SFI1: variants seen among roughly 807,000 people sequenced by gnomAD.
SFI1 encodes the protein SFI1 centrin binding protein.
SFI1 carries 195 observed loss-of-function variants against 207.5 expected under a neutral mutation model. That is an observed-to-expected ratio of 0.94 (90% CI 0.84 to 1.06). The LOEUF (loss-of-function observed/expected upper bound fraction) is 1.06, where lower values mean the gene tolerates loss of function less well. Ranked by LOEUF, SFI1 falls within the 50% of genes least tolerant of loss-of-function variation. The pLI, the probability that SFI1 is intolerant of heterozygous loss-of-function variation, is 0.00. For synonymous variants in SFI1, 630 were observed against 598.9 expected (o/e 1.05, Z -0.76); for missense variants, 1,634 against 1,588.0 (o/e 1.03, Z -0.49).
intron 8 of SFI1, among the ~76,000 whole-genome samples, chr22:31,567,007 G>A (rs749754437): frequency 2.6e-5 from 4 of 152,020 alleles, no homozygotes; most frequent in Non-Finnish European, 1.5e-5. Context: ...CTGGGTTCAC[G>A]CCATTCTTCT....
chr22:31,559,607 A>G (rs756593426), intron 7 of SFI1: 31 of 681,140 alleles, frequency 4.6e-5, no homozygotes, highest in Non-Finnish European at 7.4e-5. Context: ...CAGTACACTC[A>G]TAGTGTTGAG....
At chr22:31,505,453 A>G (rs2054482667) in intron 1 of SFI1, among the ~76,000 whole-genome samples, 1 of 141,156 alleles carries the variant, frequency 7.1e-6, no homozygotes, top group East Asian at 2.4e-4. Flanking sequence ...AAAGAAAAAG[A>G]AAAAGAAAAA....
In SFI1 at chr22:31,615,233, T is replaced by TGCC. The variant is rs1407469682; in HGVS notation, c.3255_3257dup (p.Pro1086dup). 7.8e-6 allele frequency: 12 copies of TGCC among 1,538,624 alleles called. No individual in the cohort carries two copies. Among genetic ancestry groups the TGCC allele is most frequent in the Non-Finnish European group, 1.0e-5 (12 of 1,150,340 alleles). On this transcript the variant is annotated inframe_insertion, in exon 29 of 33. Transcript: ENST00000400288. Reference sequence around the variant, plus strand: ...AGCACAGGCCCGGAGCTGCTGCTGCTGCCTCTTTCCTCCTTCATGCCCTGC... The same window carrying TGCC: ...AGCACAGGCCCGGAGCTGCTGCTGCTGCCGCCTCTTTCCTCCTTCATGCCCTGC...
chr22:31,559,488 T>C (rs1463236740), intron 7 of SFI1: 2 of 498,400 alleles, frequency 4.0e-6, no homozygotes. Context: ...CTGCTATGTC[T>C]CTAGTGATCC....
chr22:31,521,099 A>G (rs1337426959), intron 2 of SFI1: 4 of 152,944 alleles, frequency 2.6e-5, no homozygotes, highest in Non-Finnish European at 4.4e-5. Flanking sequence ...AAAATTAGCC[A>G]GGTGTCATGG....
intron 19 of SFI1, 121 bp downstream of exon 19, chr22:31,604,525 A>C: frequency 5.7e-6 from 5 of 870,892 alleles, no homozygotes; most frequent in Non-Finnish European, 8.5e-6. Flanking sequence ...CACACCTCAA[A>C]CCAAGCAGGT....
chr22:31,550,333 AG>A lies in SFI1; in HGVS notation c.530del (p.Arg177LysfsTer19). 1 of 1,614,116 alleles carries A rather than the reference AG, an allele frequency of 6.2e-7. No individual in the cohort carries two copies. The highest frequency in any genetic ancestry group is 8.5e-7 in the Non-Finnish European group (1 of 1,179,956). The stretch of plus-strand genomic sequence containing the variant: ...GCAGGAGATGAGGAACAAGTACATT[AG>A]AGCCGAGGTTCATGGTGAGAAAAAG... Reference protein sequence around the residue: ...QQQEMRNKYIRAEVHDAKQKM... With the variant: ...QQQEMRNKYIXAEVHDAKQKM... On this transcript the variant is annotated frameshift_variant, in exon 6 of 33. Coordinates refer to ENST00000400288, the MANE Select transcript of SFI1 (RefSeq NM_001007467.3). LOFTEE classifies it high-confidence loss of function.
At chr22:31,541,387 C>T (rs946902725) in intron 4 of SFI1, among the ~76,000 whole-genome samples, 10 of 151,950 alleles carry the variant, frequency 6.6e-5, no homozygotes, top group Non-Finnish European at 8.8e-5. Flanking sequence ...TTATTTAATG[C>T]GGCGTGGGGA....
Position 31,614,657 on chromosome 22 carries a change from C to G in SFI1, c.2997-132C>G, listed in dbSNP as rs142209218. On this transcript the variant is annotated intron_variant, in intron 27 of 32. Transcript: ENST00000400288. ...GCTCTATGGCCCAGGCCCACCCCAGCTTACTTGCTGACCTTGGCCTCGCCT... is the reference window on the plus strand; with the variant it reads ...GCTCTATGGCCCAGGCCCACCCCAGGTTACTTGCTGACCTTGGCCTCGCCT... The G allele has an allele frequency of 1.7e-4, 179 of 1,025,536 alleles. No individual in the cohort carries two copies. In the African/African-American group the frequency reaches 2.4e-3, roughly 14 times the overall value. 63.5% of individuals were successfully genotyped at this position (1,025,536 alleles called of 1,614,324 possible).
chr22:31,615,129 C>A lies in SFI1; in HGVS notation c.3150C>A (p.Ala1050=). The change falls in exon 29 of 33, where the codon GCC becomes GCA. Residue 1050 remains alanine (A), a synonymous_variant. Coordinates refer to ENST00000400288, the MANE Select transcript of SFI1 (RefSeq NM_001007467.3). ...PSLTRPFLAE[A]PTALVPHSPL... is the part of the protein sequence containing the mutation. ...TGACGCGGCCCTTCCTGGCAGAGGC[C>A]CCGACAGCACTGGTCCCACACAGCC... 1 of 1,609,078 alleles carries A rather than the reference C, an allele frequency of 6.2e-7. No homozygotes were observed. Among genetic ancestry groups the A allele is most frequent in the Non-Finnish European group, 8.5e-7 (1 of 1,178,068 alleles).
At chr22:31,569,802 A>T (rs2062759765) in intron 8 of SFI1, among the ~76,000 whole-genome samples, 2 of 151,992 alleles carry the variant, frequency 1.3e-5, no homozygotes, top group African/African-American at 2.4e-5. Context: ...ACAAAAAATT[A>T]TCCTGTTATG....
In SFI1 at chr22:31,598,008, C is replaced by T. The variant is rs542400100; in HGVS notation, c.1545-4204C>T. Among the ~76,000 whole-genome samples, 91 of 150,520 alleles carry T rather than the reference C, an allele frequency of 6.0e-4. 1 individual carries two copies. Among genetic ancestry groups the T allele is most frequent in the African/African-American group, 1.3e-3 (55 of 41,066 alleles). On this transcript the variant is annotated intron_variant, in intron 15 of 32. Coordinates refer to ENST00000400288, the MANE Select transcript of SFI1 (RefSeq NM_001007467.3). Reference sequence around the variant, plus strand: ...TTTTTTTTTTTTTGAGACGGAGTCTCGCTCTGTTGCCCAGGCTGGAGTGCA... The same window carrying T: ...TTTTTTTTTTTTTGAGACGGAGTCTTGCTCTGTTGCCCAGGCTGGAGTGCA...
chr22:31,586,076 C>T (rs1448803489), intron 14 of SFI1, among the ~76,000 whole-genome samples: 1 of 152,140 alleles, frequency 6.6e-6, no homozygotes, highest in Non-Finnish European at 1.5e-5. Context: ...TGGTCCCTGT[C>T]TGTTTCTCTC....
chr22:31,560,151 T>C (rs1440691296), intron 7 of SFI1, among the ~76,000 whole-genome samples: 2 of 151,974 alleles, frequency 1.3e-5, no homozygotes, highest in African/African-American at 2.4e-5. Context: ...CTAAGAGAAA[T>C]CTTTGTAGGT....
intron 1 of SFI1, among the ~76,000 whole-genome samples, chr22:31,497,019 C>T (rs1206451830): frequency 6.6e-6 from 1 of 152,204 alleles, no homozygotes; most frequent in Non-Finnish European, 1.5e-5. Context: ...GGCTCCGTGG[C>T]CCAGGAGCGG....
At chr22:31,508,125 A>G (rs1476024406) in intron 1 of SFI1, 130 bp from the exon 2 acceptor site, 1 of 543,278 alleles carries the variant, frequency 1.8e-6, no homozygotes, top group Non-Finnish European at 3.3e-6. Context: ...TAAGTCAGAG[A>G]CCTAGCCCAC....
At chr22:31,570,703 A>T (rs2062858248) in intron 8 of SFI1, among the ~76,000 whole-genome samples, 1 of 152,088 alleles carries the variant, frequency 6.6e-6, no homozygotes, top group African/African-American at 2.4e-5. Flanking sequence ...AGAGTTCAAG[A>T]CCAGCCTGGG....
chr22:31,530,985 C>G (rs558833132), intron 3 of SFI1, 73 bp from the exon 4 acceptor site: 1 of 1,301,156 alleles, frequency 7.7e-7, no homozygotes, highest in East Asian at 2.3e-5. Flanking sequence ...GGCTTCCTTT[C>G]CTTTCCAGAA....
intron 8 of SFI1, 103 bp downstream of exon 8, chr22:31,561,495 AGG>A: frequency 1.0e-6 from 1 of 964,836 alleles, no homozygotes; most frequent in South Asian, 1.6e-5. Context: ...AGGGCCTGAG[AGG>A]GGGTGGGGAC....
Sources: allele counts gnomAD v4.1 joint callset (sites outside exome capture counted in the v4.1 genomes callset), GRCh38; gene constraint gnomAD v4.1.1; transcripts MANE v1.5; gene names NCBI Gene and HGNC (gene_info 2026-07-23, HGNC 2026-07-21).